The following PAICS variants were observed in gnomAD, a reference collection of about 807,000 sequenced individuals.
The protein encoded by PAICS is phosphoribosylaminoimidazole carboxylase and phosphoribosylaminoimidazolesuccinocarboxamide synthase.
Under a neutral mutation model 53.7 loss-of-function variants are expected in PAICS, and 33 were observed. The observed-to-expected ratio is 0.61, with a 90% CI of 0.47 to 0.82. PAICS has a LOEUF of 0.82. Ranked by LOEUF, PAICS falls within the 40% of genes least tolerant of loss-of-function variation. The pLI is 0.00. For synonymous variants in PAICS, 141 were observed against 167.2 expected (o/e 0.84, Z 1.21); for missense variants, 394 against 494.1 (o/e 0.80, Z 1.92).
chr4:56,436,495 T>C (rs1201310252), intron 1 of PAICS, 167 bp downstream of exon 1: 13 of 720,110 alleles, frequency 1.8e-5, no homozygotes, highest in Admixed American at 1.4e-4. Flanking sequence ...CCCCGAACTT[T>C]ACTGCCTCGG....
chr4:56,441,713 G>C lies in PAICS; in HGVS notation c.67G>C (p.Glu23Gln). 9 of 1,599,532 alleles carry C rather than the reference G, an allele frequency of 5.6e-6. No individual in the cohort carries two copies. The highest frequency in any genetic ancestry group is 7.7e-6 in the Non-Finnish European group (9 of 1,172,692). ...TGAGGGTAAAACAAAAGAAGTCTAC[G>C]AATTGTTAGACAGTCCAGGAAAAGT... ...LYEGKTKEVYELLDSPGKVLL... is the reference protein window; with the variant it reads ...LYEGKTKEVYQLLDSPGKVLL... Residue 23 changes from glutamate (E) to glutamine (Q), a missense_variant, in exon 2 of 9, where the codon GAA becomes CAA. Coordinates refer to ENST00000512576, the MANE Select transcript of PAICS (RefSeq NM_001079524.2).
chr4:56,446,419 C>T (rs1718623041), intron 2 of PAICS: 1 of 717,152 alleles, frequency 1.4e-6, no homozygotes, highest in Non-Finnish European at 2.6e-6. Context: ...TTCATTTAGC[C>T]TAGTGTTTTT....
intron 1 of PAICS, chr4:56,436,705 T>G: frequency 2.2e-6 from 1 of 451,708 alleles, no homozygotes; most frequent in Admixed American, 2.6e-5. Context: ...TTGAAAGACC[T>G]GTCTAGAGGC....
intron 3 of PAICS, among the ~76,000 whole-genome samples, chr4:56,448,158 C>A (rs1414319544): frequency 2.0e-5 from 3 of 151,860 alleles, no homozygotes; most frequent in Non-Finnish European, 2.9e-5. Flanking sequence ...CAGGTGCACA[C>A]CACCACACCC....
At chr4:56,430,521 C>T in the PAICS span, among the ~76,000 whole-genome samples, 1 of 152,126 alleles carries the variant, frequency 6.6e-6, no homozygotes, top group Non-Finnish European at 1.5e-5. Flanking sequence ...GTACATTATT[C>T]CTATTTGTTG....
At chr4:56,449,281 GATC>G (rs1244887675) in intron 5 of PAICS, among the ~76,000 whole-genome samples, 3 of 152,118 alleles carry the variant, frequency 2.0e-5, no homozygotes, top group Non-Finnish European at 4.4e-5. Flanking sequence ...CATCATCACT[GATC>G]ATTAGAGAAA....
Position 56,453,713 on chromosome 4 carries a change from C to T in PAICS, c.1063C>T (p.Pro355Ser), listed in dbSNP as rs189395293. Residue 355 changes from proline (P) to serine (S), a missense_variant, in exon 8 of 9, where the codon CCA becomes TCA. This residue lies in a region of PAICS where 95 missense variants were observed against 89.3 expected (regional missense o/e 1.06). Coordinates refer to ENST00000512576, the MANE Select transcript of PAICS (RefSeq NM_001079524.2). ...AGTTATCAGCTGTCCTCCCCTCACA[C>T]CAGACTGGGGAGTTCAGGATGTGTG... ...YPVISCPPLTPDWGVQDVWSS... is the reference protein window; with the variant it reads ...YPVISCPPLTSDWGVQDVWSS... The T allele has an allele frequency of 1.2e-5, 19 of 1,553,798 alleles. No individual in the cohort carries two copies. In the East Asian group the frequency reaches 4.1e-4, roughly 33 times the overall value.
chr4:56,437,948 T>C (rs552933460), intron 1 of PAICS, among the ~76,000 whole-genome samples: 1 of 150,056 alleles, frequency 6.7e-6, no homozygotes, highest in East Asian at 2.1e-4. Context: ...CCTGTACCTC[T>C]AAAATGGCAA....
chr4:56,448,403 ATACTT>A lies in PAICS; in HGVS notation c.394-12_394-8del. The A allele has an allele frequency of 1.3e-6, 2 of 1,542,110 alleles. No homozygotes were observed. Among genetic ancestry groups the A allele is most frequent in the Non-Finnish European group, 1.8e-6 (2 of 1,137,376 alleles). On this transcript the variant is annotated splice_polypyrimidine_tract_variant and intron_variant, in intron 3 of 8. Coordinates refer to ENST00000512576, the MANE Select transcript of PAICS (RefSeq NM_001079524.2). Reference sequence around the variant, plus strand: ...TTAGATTGAAGTTAATTGTACTACTATACTTTATTCACAGGATGATGCCAATAATG... The same window carrying A: ...TTAGATTGAAGTTAATTGTACTACTATATTCACAGGATGATGCCAATAATG...
chr4:56,434,607 C>A (rs1461446398), upstream of PAICS, among the ~76,000 whole-genome samples: 6 of 152,162 alleles, frequency 3.9e-5, no homozygotes, highest in Non-Finnish European at 2.9e-5. Flanking sequence ...AGACACTACT[C>A]CCCTGTCCCC....
chr4:56,443,951 T>C (rs1396461824), intron 2 of PAICS, among the ~76,000 whole-genome samples: 1 of 152,232 alleles, frequency 6.6e-6, no homozygotes, highest in Non-Finnish European at 1.5e-5. Flanking sequence ...ATTTTATGTC[T>C]AGTACTATGA....
chr4:56,437,256 GGTGTGTGTGT>G (rs57161391), intron 1 of PAICS, among the ~76,000 whole-genome samples: 111 of 124,398 alleles, frequency 8.9e-4, no homozygotes, highest in South Asian at 1.9e-3. Context: ...ATGCCATGAT[GGTGTGTGTGT>G]GTGTGTGTGT....
chr4:56,414,961 T>C, the PAICS span, among the ~76,000 whole-genome samples: 2 of 152,244 alleles, frequency 1.3e-5, no homozygotes, highest in Non-Finnish European at 2.9e-5. Context: ...AAAATACAAC[T>C]GTGCCATCTG....
At chr4:56,453,528 CAAA>C (rs58717604) in intron 7 of PAICS, 72 bp from the exon 8 acceptor site, 706 of 877,918 alleles carry the variant, frequency 8.0e-4, no homozygotes, top group South Asian at 1.7e-3. Context: ...GGCCTTAAAC[CAAA>C]AAAAAAAAAA....
chr4:56,415,169 A>T, the PAICS span, among the ~76,000 whole-genome samples: 1 of 152,232 alleles, frequency 6.6e-6, no homozygotes, highest in Non-Finnish European at 1.5e-5. Flanking sequence ...AAAAGTTGAT[A>T]TATTAATGTA....
At chr4:56,457,028 A>G (rs1719248219) in intron 8 of PAICS, among the ~76,000 whole-genome samples, 1 of 152,156 alleles carries the variant, frequency 6.6e-6, no homozygotes, top group South Asian at 2.1e-4. Context: ...ATTAGTGTCT[A>G]GGTATTTTCT....
the PAICS span, among the ~76,000 whole-genome samples, chr4:56,417,170 C>A: frequency 6.6e-6 from 1 of 152,008 alleles, no homozygotes. Context: ...CTTATTGAAG[C>A]TAGAAGCAAA....
At chr4:56,437,259 GT>G (rs1472498350) in intron 1 of PAICS, among the ~76,000 whole-genome samples, 2 of 86,982 alleles carry the variant, frequency 2.3e-5, no homozygotes, top group African/African-American at 4.6e-5. Context: ...CCATGATGGT[GT>G]GTGTGTGTGT....
At chr4:56,443,435 G>A (rs993520762) in intron 2 of PAICS, among the ~76,000 whole-genome samples, 2 of 152,086 alleles carry the variant, frequency 1.3e-5, no homozygotes, top group African/African-American at 2.4e-5. Flanking sequence ...TGATCCACCC[G>A]CATTGGCCTC....
Sources: allele counts gnomAD v4.1 joint callset (sites outside exome capture counted in the v4.1 genomes callset), GRCh38; gene constraint gnomAD v4.1.1; regional missense constraint gnomAD v4.1.1; transcripts MANE v1.5; gene names NCBI Gene and HGNC (gene_info 2026-07-23, HGNC 2026-07-21).